The following QTGAL variants were observed in gnomAD, a reference collection of about 807,000 sequenced individuals.
QTGAL encodes the protein BGnT-like protein 1.
the QTGAL span, among the ~76,000 whole-genome samples, chr17:82,982,492 C>T: frequency 6.6e-6 from 1 of 152,146 alleles, no homozygotes; most frequent in African/African-American, 2.4e-5. Flanking sequence ...CCTCTTCCCT[C>T]CCGCCACGTG....
chr17:83,041,083 A>AG, the QTGAL span, among the ~76,000 whole-genome samples: 1 of 149,684 alleles, frequency 6.7e-6, no homozygotes. Flanking sequence ...AAAAAAAAAA[A>AG]TGGCTGAAAA....
At chr17:82,958,512 G>A in the QTGAL span, among the ~76,000 whole-genome samples, 2 of 152,264 alleles carry the variant, frequency 1.3e-5, no homozygotes, top group East Asian at 1.9e-4. Flanking sequence ...CTACGATTCT[G>A]CTGCTGCCTC....
chr17:83,050,549 A>C, the QTGAL span, among the ~76,000 whole-genome samples: 1 of 152,222 alleles, frequency 6.6e-6, no homozygotes, highest in Non-Finnish European at 1.5e-5. Context: ...TAAGACTGGA[A>C]TAAAAAAGAA....
chr17:83,009,926 CG>C, the QTGAL span, among the ~76,000 whole-genome samples: 19,757 of 146,096 alleles, frequency 0.14, 1,618 homozygotes, highest in Admixed American at 0.19. Flanking sequence ...AACGACTTGC[CG>C]TCCACTGCTG....
chr17:82,998,858 G>A, the QTGAL span, among the ~76,000 whole-genome samples: 1 of 151,980 alleles, frequency 6.6e-6, no homozygotes, highest in African/African-American at 2.4e-5. Flanking sequence ...ATACACGGAT[G>A]GCAAATACAT....
At chr17:83,009,374 A>G in the QTGAL span, among the ~76,000 whole-genome samples, 1,745 of 152,242 alleles carry the variant, frequency 0.011, 35 homozygotes, top group African/African-American at 0.04. Flanking sequence ...CAGTGAGCCG[A>G]GACCGTACCC....
At chr17:83,019,585 G>A in the QTGAL span, among the ~76,000 whole-genome samples, 1 of 152,146 alleles carries the variant, frequency 6.6e-6, no homozygotes, top group Non-Finnish European at 1.5e-5. Context: ...GGGAAGACGG[G>A]AAAGATCTGG....
chr17:83,006,091 C>CT, the QTGAL span: 5 of 995,592 alleles, frequency 5.0e-6, no homozygotes, highest in Non-Finnish European at 6.0e-6. The surrounding 1 kb of genome is among the most constrained non-coding windows in gnomAD (Gnocchi z 5.8). Context: ...AGTAGACGTT[C>CT]TCACAGCACA....
At chr17:83,019,359 T>A in the QTGAL span, among the ~76,000 whole-genome samples, 1 of 152,198 alleles carries the variant, frequency 6.6e-6, no homozygotes, top group African/African-American at 2.4e-5. Context: ...AAAGACTTGA[T>A]ATATTCAAAT....
the QTGAL span, among the ~76,000 whole-genome samples, chr17:82,965,280 C>G: frequency 0.83 from 126,166 of 151,650 alleles, 52,613 homozygotes; most frequent in East Asian, 0.9. Context: ...GGTGCACCCC[C>G]GGGGGGAGGA....
chr17:82,942,797 C>T, the QTGAL span: 1 of 425,886 alleles, frequency 2.3e-6, no homozygotes, highest in Non-Finnish European at 4.2e-6. Context: ...GGGCTGCACT[C>T]CTCCTGCCTG....
the QTGAL span, chr17:83,005,343 G>T: frequency 1.3e-6 from 1 of 798,142 alleles, no homozygotes; most frequent in Non-Finnish European, 2.0e-6. The surrounding 1 kb of genome is among the most constrained non-coding windows in gnomAD (Gnocchi z 5.6). Context: ...TGCAAATCTG[G>T]GTCAGGCAAA....
At chr17:83,000,225 C>T in the QTGAL span, among the ~76,000 whole-genome samples, 8 of 151,806 alleles carry the variant, frequency 5.3e-5, no homozygotes, top group Non-Finnish European at 8.8e-5. Context: ...CCTCCGAAAG[C>T]GCTGGGATTA....
the QTGAL span, among the ~76,000 whole-genome samples, chr17:82,959,330 G>A: frequency 1.2e-3 from 178 of 152,020 alleles, no homozygotes; most frequent in East Asian, 4.4e-3. Context: ...TGCATGTACC[G>A]TGCAGATGTG....
the QTGAL span, among the ~76,000 whole-genome samples, chr17:83,036,948 G>A: frequency 2.0e-5 from 3 of 152,260 alleles, no homozygotes; most frequent in East Asian, 5.8e-4. Flanking sequence ...CCAATGGCGG[G>A]TGGATCAGAG....
At chr17:82,971,206 G>A in the QTGAL span, among the ~76,000 whole-genome samples, 1 of 152,182 alleles carries the variant, frequency 6.6e-6, no homozygotes, top group African/African-American at 2.4e-5. Context: ...CTCACGGGAC[G>A]TTTCTATCGG....
chr17:82,944,529 G>C, the QTGAL span: 8 of 152,284 alleles, frequency 5.3e-5, no homozygotes, highest in African/African-American at 1.9e-4. Flanking sequence ...TGTTGACTCC[G>C]AGAAGGTGTT....
chr17:82,974,250 G>A, the QTGAL span, among the ~76,000 whole-genome samples: 1 of 152,176 alleles, frequency 6.6e-6, no homozygotes, highest in African/African-American at 2.4e-5. Flanking sequence ...TTTGGGGAAC[G>A]CGTGCTGACT....
the QTGAL span, among the ~76,000 whole-genome samples, chr17:83,026,763 C>G: frequency 7.1e-5 from 9 of 126,010 alleles, no homozygotes; most frequent in Non-Finnish European, 1.4e-4. Flanking sequence ...GACAGACACA[C>G]AGAGGAGGGC....
Sources: allele counts gnomAD v4.1 joint callset (sites outside exome capture counted in the v4.1 genomes callset), GRCh38; gene constraint gnomAD v4.1.1; non-coding constraint Gnocchi (gnomAD v3.1); transcripts MANE v1.5; gene names NCBI Gene and HGNC (gene_info 2026-07-23, HGNC 2026-07-21).